Variants in ATL1 observed in about 807,000 individuals in gnomAD.
The protein encoded by ATL1 is atlastin GTPase 1.
In ATL1, 31 loss-of-function variants were observed where a neutral mutation model predicts 75.5. That is an observed-to-expected ratio of 0.41 (90% CI 0.31 to 0.55). ATL1 has a LOEUF of 0.55. ATL1 is among the 20% of genes least tolerant of loss of function. ATL1 has a pLI of 0.27. For synonymous variants in ATL1, 226 were observed against 233.3 expected, an observed-to-expected ratio of 0.97 and a Z score of 0.28; for missense variants, 405 against 662.6, an observed-to-expected ratio of 0.61 and a Z score of 4.27.
At chr14:50,580,500 A>G (rs972673747) in intron 1 of ATL1, among the ~76,000 whole-genome samples, 1 of 152,112 alleles carries the variant, frequency 6.6e-6, no homozygotes, top group Non-Finnish European at 1.5e-5. Context: ...CTGTTATGCA[A>G]TGTGGTGAAT....
chr14:50,614,243 T>C, intron 7 of ATL1, 130 bp from the exon 8 acceptor site: 1 of 1,014,596 alleles, frequency 9.9e-7, no homozygotes, highest in East Asian at 2.6e-5. Context: ...CTTCTTTCTT[T>C]AGTAGCAGCC....
At chr14:50,551,882 A>G (rs1205951230) in intron 1 of ATL1, among the ~76,000 whole-genome samples, 1 of 152,218 alleles carries the variant, frequency 6.6e-6, no homozygotes, top group Non-Finnish European at 1.5e-5. Context: ...AAAGCCATCT[A>G]TGACACACCA....
At chr14:50,567,923 T>A (rs1032650072) in intron 1 of ATL1, among the ~76,000 whole-genome samples, 1 of 152,236 alleles carries the variant, frequency 6.6e-6, no homozygotes, top group Non-Finnish European at 1.5e-5. Flanking sequence ...ATCTGGAGAA[T>A]GTTCCAGGTA....
intron 8 of ATL1, among the ~76,000 whole-genome samples, chr14:50,617,138 C>T (rs1029473147): frequency 6.6e-6 from 1 of 152,090 alleles, no homozygotes; most frequent in Admixed American, 6.5e-5. Flanking sequence ...TTCATGGTCC[C>T]TCAAAGTATT....
chr14:50,614,540 A>G (rs1195686527), intron 8 of ATL1, 29 bp downstream of exon 8: 2 of 1,610,164 alleles, frequency 1.2e-6, no homozygotes, highest in Non-Finnish European at 1.7e-6. Context: ...ATATGTTTGC[A>G]TCACTTAGTC....
chr14:50,562,600 C>A lies in ATL1; in HGVS notation c.34+2301C>A, dbSNP rs373624901. Reference sequence around the variant, plus strand: ...TTAGATTATTTACATTTGATAGAAACATCTCAGATAGTTTACCCAGAAGTC... The same window carrying A: ...TTAGATTATTTACATTTGATAGAAAAATCTCAGATAGTTTACCCAGAAGTC... On this transcript the variant is annotated intron_variant, in intron 1 of 13. Coordinates refer to ENST00000358385, the MANE Select transcript of ATL1 (RefSeq NM_015915.5). 1.1e-3 allele frequency among the ~76,000 whole-genome samples: 171 copies of A among 152,242 alleles called. 2 individuals carry two copies. In the South Asian group the frequency reaches 0.033, roughly 29 times the overall value.
At chr14:50,621,267 T>C (rs1301490911) in intron 9 of ATL1, among the ~76,000 whole-genome samples, 1 of 152,236 alleles carries the variant, frequency 6.6e-6, no homozygotes, top group Non-Finnish European at 1.5e-5. Context: ...CTGGAGAATT[T>C]CAGTTACCAA....
chr14:50,538,921 G>A (rs1490897291), intron 1 of ATL1, among the ~76,000 whole-genome samples: 1 of 152,212 alleles, frequency 6.6e-6, no homozygotes, highest in Non-Finnish European at 1.5e-5. Context: ...CTGGCCTCAA[G>A]CAATCGACCT....
At chr14:50,545,457 C>T (rs1044764496) in intron 1 of ATL1, among the ~76,000 whole-genome samples, 4 of 152,084 alleles carry the variant, frequency 2.6e-5, no homozygotes, top group Admixed American at 2.0e-4. Context: ...TCGACGGCAT[C>T]CATGTGGGGT....
chr14:50,590,849 C>A (rs1048820808), intron 2 of ATL1, 92 bp from the exon 3 acceptor site: 8 of 1,355,016 alleles, frequency 5.9e-6, no homozygotes, highest in African/African-American at 1.4e-5. Flanking sequence ...CCTTTTAACT[C>A]GAATTGGAGA....
At chr14:50,554,948 A>G (rs1178930194) in intron 1 of ATL1, among the ~76,000 whole-genome samples, 1 of 152,150 alleles carries the variant, frequency 6.6e-6, no homozygotes, top group Non-Finnish European at 1.5e-5. Context: ...CTTTTTGGCA[A>G]AGTCTTCTGG....
rs1164257820 is a variant in ATL1 at position 50,610,150 on chromosome 14, G to T, written c.631-3109G>T. On this transcript the variant is annotated intron_variant, in intron 6 of 13. Coordinates refer to ENST00000358385, the MANE Select transcript of ATL1 (RefSeq NM_015915.5). ...TGAGGAAACAATAAATGTAATAGAG[G>T]AAAAATATTTAAAGAGATGAGAGAA... Among the ~76,000 whole-genome samples the T allele has an allele frequency of 2.0e-5, 3 of 151,934 alleles. No individual in the cohort carries two copies. The South Asian group carries it at 6.2e-4, about 31-fold the overall frequency.
At chr14:50,577,294 C>G (rs2140191216) in intron 1 of ATL1, among the ~76,000 whole-genome samples, 1 of 152,262 alleles carries the variant, frequency 6.6e-6, no homozygotes, top group South Asian at 2.1e-4. Flanking sequence ...AATCTCCTGA[C>G]TTCGTGATCT....
At chr14:50,540,650 A>C (rs904955908) in intron 1 of ATL1, among the ~76,000 whole-genome samples, 3 of 152,196 alleles carry the variant, frequency 2.0e-5, no homozygotes, top group Middle Eastern at 3.2e-3. Flanking sequence ...CCAGTGATTA[A>C]AGTAGAGATT....
chr14:50,569,887 C>T (rs902754156), intron 1 of ATL1, among the ~76,000 whole-genome samples: 1 of 152,066 alleles, frequency 6.6e-6, no homozygotes, highest in African/African-American at 2.4e-5. Flanking sequence ...TTTTTTGCTT[C>T]CAAAGTTTCT....
At chr14:50,622,172 C>T (rs1174815249) in intron 10 of ATL1, among the ~76,000 whole-genome samples, 3 of 152,138 alleles carry the variant, frequency 2.0e-5, no homozygotes, top group African/African-American at 7.2e-5. Flanking sequence ...GATTTAGATT[C>T]ACACATGTAA....
chr14:50,619,347 C>T (rs2039444959), intron 8 of ATL1, among the ~76,000 whole-genome samples: 1 of 152,220 alleles, frequency 6.6e-6, no homozygotes, highest in Non-Finnish European at 1.5e-5. Context: ...GCGTAAGCCA[C>T]TGCACCCAGC....
intron 1 of ATL1, among the ~76,000 whole-genome samples, chr14:50,548,538 C>G (rs1397760265): frequency 6.6e-6 from 1 of 152,102 alleles, no homozygotes; most frequent in Non-Finnish European, 1.5e-5. Context: ...GAGATGGAGT[C>G]TTGCTCTGTC....
At chr14:50,629,168 C>T (rs948675295) in intron 12 of ATL1, among the ~76,000 whole-genome samples, 8 of 152,182 alleles carry the variant, frequency 5.3e-5, no homozygotes, top group Non-Finnish European at 1.2e-4. Flanking sequence ...GAACCACTAT[C>T]ATAAGTTGTC....
Sources: allele counts gnomAD v4.1 joint callset (sites outside exome capture counted in the v4.1 genomes callset), GRCh38; gene constraint gnomAD v4.1.1; transcripts MANE v1.5; gene names NCBI Gene and HGNC (gene_info 2026-07-23, HGNC 2026-07-21).